WLS: variants seen among roughly 807,000 people sequenced by gnomAD.
WLS encodes the protein protein wntless homolog.
In WLS, 23 loss-of-function variants were observed where a neutral mutation model predicts 62.8. The ratio of observed to expected loss-of-function variants is 0.37; its 90% CI spans 0.26 to 0.52. The LOEUF (loss-of-function observed/expected upper bound fraction) is 0.52. WLS is among the 20% of genes least tolerant of loss of function. WLS has a pLI of 0.92. For synonymous variants in WLS, 246 were observed against 244.1 expected, an observed-to-expected ratio of 1.01 and a Z score of -0.07; for missense variants, 615 against 697.3, an observed-to-expected ratio of 0.88 and a Z score of 1.33.
chr1:68,116,740 T>A (rs1219556203), intron 11 of WLS, among the ~76,000 whole-genome samples: 7 of 152,242 alleles, frequency 4.6e-5, no homozygotes, highest in African/African-American at 1.7e-4. Flanking sequence ...CAGTGCCTGG[T>A]ACTTAATAGG....
chr1:68,140,664 A>C (rs1037695018), intron 10 of WLS, among the ~76,000 whole-genome samples: 3 of 152,144 alleles, frequency 2.0e-5, no homozygotes, highest in African/African-American at 7.2e-5. Context: ...GCAGAATTAC[A>C]CACCCTACTG....
In WLS at chr1:68,125,382, T is replaced by TGCATGTACACATATGCATATA. The variant is rs1553124883; in HGVS notation, c.*823_*843dup. On this transcript the variant is annotated 3_prime_UTR_variant, in exon 12 of 12. Transcript: ENST00000262348. ...GTATGAGTTTTAGCAGGAGGGGATATGCATGTACACATATGCATATACATA... is the reference window on the plus strand; with the variant it reads ...GTATGAGTTTTAGCAGGAGGGGATATGCATGTACACATATGCATATAGCATGTACACATATGCATATACATA... The TGCATGTACACATATGCATATA allele has an allele frequency of 1.0e-6, 1 of 985,346 alleles. No homozygotes were observed. Among genetic ancestry groups the TGCATGTACACATATGCATATA allele is most frequent in the Non-Finnish European group, 1.2e-6 (1 of 829,960 alleles). 61.0% of individuals were successfully genotyped at this position (985,346 alleles called of 1,614,324 possible).
intron 11 of WLS, among the ~76,000 whole-genome samples, chr1:68,108,792 A>G (rs1646181445): frequency 6.6e-6 from 1 of 152,204 alleles, no homozygotes; most frequent in Non-Finnish European, 1.5e-5. Flanking sequence ...GTCAAAGAAC[A>G]TTAAAAAATT....
chr1:68,145,830 C>A, intron 9 of WLS, 39 bp downstream of exon 9: 1 of 1,612,006 alleles, frequency 6.2e-7, no homozygotes, highest in Non-Finnish European at 8.5e-7. Flanking sequence ...AAAGATCAAG[C>A]AAGCACCAGT....
chr1:68,128,813 C>T (rs193243204), intron 11 of WLS, among the ~76,000 whole-genome samples: 61 of 152,288 alleles, frequency 4.0e-4, no homozygotes, highest in African/African-American at 1.4e-3. Flanking sequence ...TATCATCACT[C>T]CCATTCTGCC....
chr1:68,161,751 C>T (rs749588306), intron 2 of WLS: 45 of 1,587,952 alleles, frequency 2.8e-5, no homozygotes, highest in Non-Finnish European at 3.8e-5. Context: ...CCGGCATTCT[C>T]TGCTATTGCT....
At position 68,137,776 on chromosome 1, in the gene WLS, T is replaced by C; in HGVS notation, c.1516+4A>G. 6.2e-7 allele frequency: 1 copy of C among 1,612,888 alleles called. No individual in the cohort carries two copies. Among genetic ancestry groups the C allele is most frequent in the Non-Finnish European group, 8.5e-7 (1 of 1,179,422 alleles). On this transcript the variant is annotated splice_donor_region_variant and intron_variant, in intron 11 of 11. Transcript: ENST00000262348. ...TAAGCTGTTCTAAAGAGACAGAAACTCACCATTGGACTGGTCTTCTCCATA... is the reference window on the plus strand; with the variant it reads ...TAAGCTGTTCTAAAGAGACAGAAACCCACCATTGGACTGGTCTTCTCCATA...
intron 2 of WLS, among the ~76,000 whole-genome samples, chr1:68,165,098 CT>C (rs539348777): frequency 3.3e-5 from 5 of 152,102 alleles, no homozygotes; most frequent in Non-Finnish European, 7.4e-5. Flanking sequence ...GGAATTGGGA[CT>C]TTAAACTGTG....
At chr1:68,098,480 CAAAG>C in exon 12 of WLS, 7 of 1,245,174 alleles carry the variant, frequency 5.6e-6, no homozygotes, top group Non-Finnish European at 7.6e-6. Flanking sequence ...AGACAATACT[CAAAG>C]AATATTTATT....
chr1:68,145,750 A>G lies in WLS; in HGVS notation c.1278+119T>C, dbSNP rs545348176. The G allele has an allele frequency of 9.1e-4, 1,341 of 1,475,888 alleles. 2 individuals carry two copies. The highest frequency in any genetic ancestry group is 1.1e-3 in the Non-Finnish European group (1,228 of 1,105,438). 91.4% of individuals were successfully genotyped at this position (1,475,888 alleles called of 1,614,324 possible). A position where few individuals can be genotyped will look rare whatever the true frequency, so the allele number is the denominator to read the frequency against. On this transcript the variant is annotated intron_variant, in intron 9 of 11. Coordinates refer to ENST00000262348, the MANE Select transcript of WLS (RefSeq NM_024911.7). Reference sequence around the variant, plus strand: ...ATTTTGCCCAGAGATCCTACATGAGAATCTCTCAATTTGTATTTCAAAGTA... The same window carrying G: ...ATTTTGCCCAGAGATCCTACATGAGGATCTCTCAATTTGTATTTCAAAGTA...
At chr1:68,206,247 A>G (rs2100637794) in intron 1 of WLS, among the ~76,000 whole-genome samples, 1 of 152,344 alleles carries the variant, frequency 6.6e-6, no homozygotes, top group South Asian at 2.1e-4. Flanking sequence ...CTTGTTTAAA[A>G]GGGGGGTTTA....
chr1:68,120,164 G>T (rs1304072411), intron 11 of WLS, among the ~76,000 whole-genome samples: 7 of 152,220 alleles, frequency 4.6e-5, no homozygotes, highest in Non-Finnish European at 2.9e-5. Context: ...AATCAGGGCT[G>T]CTGAGGACTT....
At chr1:68,199,532 T>C (rs1008262589) in intron 1 of WLS, among the ~76,000 whole-genome samples, 4 of 152,124 alleles carry the variant, frequency 2.6e-5, no homozygotes, top group African/African-American at 9.7e-5. Context: ...AACAATCATA[T>C]TTTCTGCAGA....
At chr1:68,200,129 G>A (rs113249818) in intron 1 of WLS, among the ~76,000 whole-genome samples, 178 of 152,178 alleles carry the variant, frequency 1.2e-3, no homozygotes, top group African/African-American at 4.1e-3. Flanking sequence ...AAGTAAAAAT[G>A]GTCAAAGATT....
intron 5 of WLS, among the ~76,000 whole-genome samples, chr1:68,152,559 A>C (rs541138317): frequency 6.6e-6 from 1 of 152,308 alleles, no homozygotes; most frequent in African/African-American, 2.4e-5. Context: ...AGGAACAAAA[A>C]ATGACCTTTG....
At chr1:68,178,434 C>A (rs1482971222) in intron 2 of WLS, among the ~76,000 whole-genome samples, 1 of 152,194 alleles carries the variant, frequency 6.6e-6, no homozygotes, top group Non-Finnish European at 1.5e-5. Context: ...GGAGTGGTGG[C>A]TTACGCCTGT....
intron 11 of WLS, among the ~76,000 whole-genome samples, chr1:68,100,036 A>G (rs1000166737): frequency 1.4e-4 from 22 of 152,382 alleles, no homozygotes; most frequent in African/African-American, 5.3e-4. Flanking sequence ...AAATAAGCAG[A>G]AAAAGTTCTC....
intron 2 of WLS, among the ~76,000 whole-genome samples, chr1:68,164,058 A>G (rs995380643): frequency 6.6e-6 from 1 of 152,232 alleles, no homozygotes; most frequent in Non-Finnish European, 1.5e-5. Flanking sequence ...CCATTCTGAT[A>G]TAGAGGAAAC....
chr1:68,153,709 T>G, intron 4 of WLS, 56 bp from the exon 5 acceptor site: 3 of 1,608,588 alleles, frequency 1.9e-6, no homozygotes, highest in Middle Eastern at 3.4e-4. Context: ...CATTTCCTTC[T>G]ACTAGCAAAT....
Sources: gnomAD v4.1 joint callset for allele counts (sites outside exome capture counted in the v4.1 genomes callset) on GRCh38, gnomAD v4.1.1 for gene constraint, MANE v1.5 for transcripts, NCBI Gene and HGNC (gene_info 2026-07-23, HGNC 2026-07-21) for gene names.